KIAA1328: variants seen among roughly 807,000 people sequenced by gnomAD.
The protein encoded by KIAA1328 is KIAA1328.
KIAA1328 carries 52 observed loss-of-function variants against 68.1 expected under a neutral mutation model. The ratio of observed to expected loss-of-function variants is 0.76; its 90% CI spans 0.61 to 0.96. The LOEUF (loss-of-function observed/expected upper bound fraction) is 0.96, where lower values mean the gene tolerates loss of function less well. Ranked by LOEUF, KIAA1328 falls within the 40% of genes least tolerant of loss-of-function variation. The pLI is 0.00. For synonymous variants in KIAA1328, 232 were observed against 239.4 expected (o/e 0.97, Z 0.28); for missense variants, 641 against 677.6 (o/e 0.95, Z 0.60).
intron 8 of KIAA1328, among the ~76,000 whole-genome samples, chr18:37,164,742 T>C (rs760345095): frequency 3.9e-5 from 6 of 152,102 alleles, no homozygotes; most frequent in Non-Finnish European, 8.8e-5. Context: ...CAAGATTCTG[T>C]CTTAAAAATC....
chr18:37,139,753 A>G (rs559490319), intron 7 of KIAA1328, among the ~76,000 whole-genome samples: 2 of 152,202 alleles, frequency 1.3e-5, no homozygotes, highest in Non-Finnish European at 2.9e-5. Context: ...CTTTTCCTCC[A>G]GTAAAGCAGA....
chr18:37,042,795 T>C (rs900286988), intron 6 of KIAA1328, among the ~76,000 whole-genome samples: 2 of 152,242 alleles, frequency 1.3e-5, no homozygotes, highest in African/African-American at 4.8e-5. Flanking sequence ...CAAATTAGGA[T>C]GTTTTTGACT....
intron 4 of KIAA1328, among the ~76,000 whole-genome samples, chr18:36,849,627 A>T (rs1168386878): frequency 3.3e-5 from 5 of 152,050 alleles, no homozygotes; most frequent in Non-Finnish European, 7.4e-5. Context: ...TCATACTTTG[A>T]TGGACATTTG....
At chr18:36,849,007 G>A (rs2047127662) in intron 4 of KIAA1328, among the ~76,000 whole-genome samples, 1 of 151,424 alleles carries the variant, frequency 6.6e-6, no homozygotes, top group African/African-American at 2.4e-5. Flanking sequence ...AAATATCTTA[G>A]TATATTTTAA....
At chr18:37,152,484 T>C (rs966502157) in intron 7 of KIAA1328, among the ~76,000 whole-genome samples, 31 of 152,270 alleles carry the variant, frequency 2.0e-4, no homozygotes, top group African/African-American at 7.0e-4. Flanking sequence ...TAAGTTTGTG[T>C]TCAGCTTTTA....
At chr18:37,040,709 A>G (rs1275343216) in intron 6 of KIAA1328, among the ~76,000 whole-genome samples, 2 of 151,770 alleles carry the variant, frequency 1.3e-5, no homozygotes, top group Non-Finnish European at 2.9e-5. Flanking sequence ...ATAAATCTAA[A>G]TGCTGCTTTG....
chr18:36,988,695 T>C (rs562515453), intron 6 of KIAA1328, among the ~76,000 whole-genome samples: 32 of 152,332 alleles, frequency 2.1e-4, no homozygotes, highest in African/African-American at 7.7e-4. Flanking sequence ...GCATAGACTT[T>C]GGAGCCAATA....
intron 7 of KIAA1328, among the ~76,000 whole-genome samples, chr18:37,148,047 TG>T (rs1568466132): frequency 6.6e-6 from 1 of 152,086 alleles, no homozygotes; most frequent in African/African-American, 2.4e-5. Flanking sequence ...TGTGCCATGG[TG>T]GTTTGCTGCA....
intron 8 of KIAA1328, among the ~76,000 whole-genome samples, chr18:37,160,594 C>T (rs930307508): frequency 6.6e-6 from 1 of 152,168 alleles, no homozygotes; most frequent in Non-Finnish European, 1.5e-5. Flanking sequence ...CTGTATCCAA[C>T]TTGTCCCTCT....
intron 9 of KIAA1328, among the ~76,000 whole-genome samples, chr18:37,215,258 C>T (rs371674460): frequency 6.6e-6 from 1 of 152,282 alleles, no homozygotes; most frequent in African/African-American, 2.4e-5. Context: ...CCAGTTTTTG[C>T]CCATTCAGTA....
chr18:36,995,020 A>G lies in KIAA1328; in HGVS notation c.576+35585A>G, dbSNP rs561615692. Among the ~76,000 whole-genome samples, 25 of 152,090 alleles carry G rather than the reference A, an allele frequency of 1.6e-4. No individual in the cohort carries two copies. In the South Asian group the frequency reaches 3.9e-3, roughly 24 times the overall value. On this transcript the variant is annotated intron_variant, in intron 6 of 9. Coordinates refer to ENST00000280020, the MANE Select transcript of KIAA1328 (RefSeq NM_020776.3). ...TGTGCAGAATGTGCAGTTTTGTTAC[A>G]TAGGTATACACATGCCCTGGAGGCT...
intron 7 of KIAA1328, among the ~76,000 whole-genome samples, chr18:37,114,919 A>C (rs2058057494): frequency 6.6e-6 from 1 of 152,254 alleles, no homozygotes; most frequent in South Asian, 2.1e-4. Flanking sequence ...ATCTAGAAGA[A>C]ATGGATAAAT....
At chr18:36,942,403 T>TA (rs1411305488) in intron 5 of KIAA1328, among the ~76,000 whole-genome samples, 1 of 152,180 alleles carries the variant, frequency 6.6e-6, no homozygotes, top group Non-Finnish European at 1.5e-5. Flanking sequence ...CACGCTTTGT[T>TA]AGAGACATAG....
intron 7 of KIAA1328, among the ~76,000 whole-genome samples, chr18:37,128,624 C>A (rs1286897905): frequency 6.6e-6 from 1 of 152,104 alleles, no homozygotes; most frequent in East Asian, 1.9e-4. Context: ...ACATACTCAC[C>A]TACTACCCAA....
chr18:37,042,189 C>T (rs917800912), intron 6 of KIAA1328, among the ~76,000 whole-genome samples: 4 of 152,096 alleles, frequency 2.6e-5, no homozygotes, highest in African/African-American at 7.2e-5. Context: ...TGAGCCACTG[C>T]ACCTAGCCAT....
intron 5 of KIAA1328, among the ~76,000 whole-genome samples, chr18:36,926,471 G>A (rs2050124678): frequency 1.3e-5 from 2 of 151,738 alleles, no homozygotes; most frequent in African/African-American, 4.8e-5. Flanking sequence ...ATCGTATCAG[G>A]GTCACATGAT....
chr18:36,928,695 A>C (rs190704418), intron 5 of KIAA1328, among the ~76,000 whole-genome samples: 1 of 152,094 alleles, frequency 6.6e-6, no homozygotes, highest in Admixed American at 6.5e-5. Flanking sequence ...AATGTGTGTG[A>C]GTGTGTGCGC....
intron 7 of KIAA1328, among the ~76,000 whole-genome samples, chr18:37,126,259 C>T (rs1184892092): frequency 6.6e-6 from 1 of 152,092 alleles, no homozygotes; most frequent in South Asian, 2.1e-4. Flanking sequence ...TCCAAAAGAA[C>T]TCAAACACTT....
intron 7 of KIAA1328, among the ~76,000 whole-genome samples, chr18:37,108,715 C>G (rs995615751): frequency 6.6e-6 from 1 of 152,160 alleles, no homozygotes; most frequent in Non-Finnish European, 1.5e-5. Flanking sequence ...TTCTTACATT[C>G]CATACTAGGA....
Sources: allele counts gnomAD v4.1 joint callset (sites outside exome capture counted in the v4.1 genomes callset), GRCh38; gene constraint gnomAD v4.1.1; transcripts MANE v1.5; gene names NCBI Gene and HGNC (gene_info 2026-07-23, HGNC 2026-07-21).